Variants in TJP1 observed in about 807,000 individuals in gnomAD.
TJP1 encodes the protein tight junction protein ZO-1.
A neutral mutation model predicts 194.2 loss-of-function variants in TJP1; 43 were observed. That is an observed-to-expected ratio of 0.22 (90% CI 0.17 to 0.29). The LOEUF is 0.29. Ranked by LOEUF, TJP1 falls within the 10% of genes least tolerant of loss-of-function variation. TJP1 has a pLI of 1.00. For synonymous variants in TJP1, 801 were observed against 779.0 expected (o/e 1.03, Z -0.47); for missense variants, 1,971 against 2,185.7 (o/e 0.90, Z 1.96).
intron 2 of TJP1, among the ~76,000 whole-genome samples, chr15:29,876,040 A>G (rs1010951048): frequency 1.2e-4 from 19 of 152,332 alleles, no homozygotes; most frequent in African/African-American, 4.6e-4. Context: ...TCTGCTCTTC[A>G]GACACACAAA....
rs780742443 is a variant in TJP1, at chr15:29,761,688, C to A, written c.775G>T (p.Val259Leu). The change falls in exon 7 of 28, where the codon GTA (valine) becomes TTA (leucine). Residue 259 changes from valine (V) to leucine (L), a missense_variant. This residue lies in a region of TJP1 where 245 missense variants were observed against 336.6 expected (regional missense o/e 0.73). Transcript: ENST00000614355. ...IERSKGKLKM[V>L]VQRDERATLL... ...GTAGCCCGTTCATCTCTTTGAACTA[C>A]CATTTTTAATTTGCCTTTAGACCTT... The A allele has an allele frequency of 6.2e-6, 10 of 1,609,738 alleles. No individual in the cohort carries two copies. The African/African-American group carries it at 1.1e-4, about 17-fold the overall frequency.
intron 4 of TJP1, among the ~76,000 whole-genome samples, 185 bp from the exon 5 acceptor site, chr15:29,766,727 C>T (rs562724733): frequency 6.6e-6 from 1 of 152,268 alleles, no homozygotes; most frequent in Non-Finnish European, 1.5e-5. Context: ...TTTCTGTTCT[C>T]CTGATAAACA....
At chr15:29,788,168 T>G (rs2047826364) in intron 2 of TJP1, among the ~76,000 whole-genome samples, 1 of 152,222 alleles carries the variant, frequency 6.6e-6, no homozygotes, top group Non-Finnish European at 1.5e-5. Context: ...TGTCTTTTTA[T>G]TGTTCAGTTA....
At chr15:29,770,692 GA>G (rs1002382339) in intron 4 of TJP1, among the ~76,000 whole-genome samples, 24 of 138,412 alleles carry the variant, frequency 1.7e-4, no homozygotes, top group African/African-American at 5.2e-4. Flanking sequence ...AAAAAAAAAA[GA>G]AAAAAACCAA....
chr15:29,907,559 T>A (rs1358863467), intron 2 of TJP1, among the ~76,000 whole-genome samples: 2 of 152,216 alleles, frequency 1.3e-5, no homozygotes, highest in Non-Finnish European at 2.9e-5. Context: ...TTTCTTATAT[T>A]CGCCAACATT....
intron 2 of TJP1, among the ~76,000 whole-genome samples, chr15:29,886,887 C>A (rs944123228): frequency 2.0e-5 from 3 of 151,372 alleles, no homozygotes; most frequent in Non-Finnish European, 4.4e-5. Flanking sequence ...TCTGTAAGTT[C>A]AACATAAATT....
rs754566707 is a variant in TJP1 at position 29,761,373 on chromosome 15, G to GT, written c.863-88dup. ...CTCCAGTAATAATGAAGATAAGCTA[G>GT]TAAGTAAAATTATATATAAAATGGA... On this transcript the variant is annotated intron_variant, in intron 7 of 27. Transcript: ENST00000614355. 5.4e-5 allele frequency: 80 copies of GT among 1,485,408 alleles called. No homozygotes were observed. The Admixed American group carries it at 1.7e-3, about 32-fold the overall frequency. 92.0% of individuals were successfully genotyped at this position (1,485,408 alleles called of 1,614,324 possible). A position where few individuals can be genotyped will look rare whatever the true frequency, so the allele number is the denominator to read the frequency against.
At chr15:29,939,576 T>C (rs950877725) in intron 2 of TJP1, among the ~76,000 whole-genome samples, 4 of 152,256 alleles carry the variant, frequency 2.6e-5, no homozygotes, top group Admixed American at 6.5e-5. Flanking sequence ...TGGTGAGTCA[T>C]AAGAGAAGGC....
At chr15:29,834,027 G>A (rs1438347300) in intron 2 of TJP1, among the ~76,000 whole-genome samples, 4 of 124,928 alleles carry the variant, frequency 3.2e-5, no homozygotes, top group Non-Finnish European at 6.7e-5. Context: ...GGATACAGGC[G>A]CCCGCCACCA....
rs114777914 is a variant in TJP1 at position 29,813,149 on chromosome 15, G to T, written c.27+8853C>A. 3.9e-3 allele frequency among the ~76,000 whole-genome samples: 594 copies of T among 152,206 alleles called. 1 individual carries two copies. Among genetic ancestry groups the T allele is most frequent in the African/African-American group, 0.014 (571 of 41,530 alleles). On this transcript the variant is annotated intron_variant, in intron 1 of 27. Coordinates refer to ENST00000614355, the MANE Select transcript of TJP1 (RefSeq NM_001330239.4). ...GGCTTTTGGTGGTCTGATCAGTCAGGTAAGTGGATATCTTACTACTAAAAC... is the reference window on the plus strand; with the variant it reads ...GGCTTTTGGTGGTCTGATCAGTCAGTTAAGTGGATATCTTACTACTAAAAC...
intron 8 of TJP1, 168 bp from the exon 9 acceptor site, chr15:29,742,949 C>A: frequency 2.1e-6 from 1 of 481,298 alleles, no homozygotes; most frequent in South Asian, 1.1e-4. Context: ...AGCATTACCA[C>A]AGAAAAACCA....
chr15:29,717,053 T>A (rs1309102102), intron 22 of TJP1, among the ~76,000 whole-genome samples: 1 of 152,110 alleles, frequency 6.6e-6, no homozygotes, highest in African/African-American at 2.4e-5. Context: ...GGCTCATGAG[T>A]CCTTTAACAC....
intron 2 of TJP1, among the ~76,000 whole-genome samples, chr15:29,951,533 AAAAAC>A (rs1226157308): frequency 6.6e-6 from 1 of 152,186 alleles, no homozygotes; most frequent in Non-Finnish European, 1.5e-5. Flanking sequence ...CTGCTATTAA[AAAAAC>A]AAAACAATTA....
intron 1 of TJP1, among the ~76,000 whole-genome samples, chr15:29,816,977 A>C (rs552366059): frequency 5.3e-4 from 80 of 152,214 alleles, no homozygotes; most frequent in Non-Finnish European, 1.0e-3. Flanking sequence ...AATTAAACTA[A>C]AGAGCTTCTG....
At chr15:29,947,931 C>T (rs2055339039) in intron 2 of TJP1, among the ~76,000 whole-genome samples, 1 of 152,174 alleles carries the variant, frequency 6.6e-6, no homozygotes, top group African/African-American at 2.4e-5. Context: ...CCCCCACACT[C>T]CTTGCTACAA....
intron 2 of TJP1, among the ~76,000 whole-genome samples, chr15:29,923,309 T>C (rs1188744911): frequency 6.6e-6 from 1 of 152,192 alleles, no homozygotes; most frequent in African/African-American, 2.4e-5. Context: ...AAATGACTAC[T>C]GCTACAGTCA....
intron 2 of TJP1, among the ~76,000 whole-genome samples, chr15:29,887,895 C>T (rs1192018767): frequency 5.3e-5 from 8 of 152,156 alleles, no homozygotes; most frequent in Admixed American, 4.6e-4. Context: ...TTTGGCAATA[C>T]ATGTAACTGG....
chr15:29,705,450 C>A, intron 26 of TJP1, 78 bp downstream of exon 26: 1 of 1,414,022 alleles, frequency 7.1e-7, no homozygotes, highest in Middle Eastern at 2.4e-4. Context: ...CATTATTAGC[C>A]AAGCACTATA....
At chr15:29,949,305 C>G (rs1490760389) in intron 2 of TJP1, among the ~76,000 whole-genome samples, 7 of 128,540 alleles carry the variant, frequency 5.4e-5, no homozygotes, top group East Asian at 2.7e-4. Context: ...TCCACCACCA[C>G]CACCTCCACT....
Sources: allele counts gnomAD v4.1 joint callset (sites outside exome capture counted in the v4.1 genomes callset), GRCh38; gene constraint gnomAD v4.1.1; regional missense constraint gnomAD v4.1.1; transcripts MANE v1.5; gene names NCBI Gene and HGNC (gene_info 2026-07-23, HGNC 2026-07-21).